SUDS3: variants seen among roughly 807,000 people sequenced by gnomAD.
SUDS3 encodes SIN3A corepressor complex component SDS3.
Under a neutral mutation model 53.5 loss-of-function variants are expected in SUDS3, and 23 were observed. The observed-to-expected ratio is 0.43, with a 90% CI of 0.31 to 0.61. The LOEUF (loss-of-function observed/expected upper bound fraction) is 0.61, where lower values mean the gene tolerates loss of function less well. Among genes scored for constraint, SUDS3 ranks in the 20% least tolerant of loss-of-function variants. SUDS3 has a pLI of 0.10. For missense variants in SUDS3, 291 were observed against 405.9 expected (o/e 0.72, Z 2.43); for synonymous variants, 150 against 148.5 (o/e 1.01, Z -0.08).
chr12:118,401,111 G>T (rs1332832855), intron 7 of SUDS3, among the ~76,000 whole-genome samples: 1 of 152,136 alleles, frequency 6.6e-6, no homozygotes, highest in African/African-American at 2.4e-5. Context: ...TAAAATGAAG[G>T]CAGTAATATC....
At chr12:118,412,464 C>CT (rs2046367453) in intron 11 of SUDS3, among the ~76,000 whole-genome samples, 1 of 152,178 alleles carries the variant, frequency 6.6e-6, no homozygotes, top group African/African-American at 2.4e-5. Context: ...TGATTGTTTA[C>CT]TTAGAAGTTA....
intron 3 of SUDS3, among the ~76,000 whole-genome samples, chr12:118,385,297 C>T (rs935134106): frequency 2.6e-5 from 4 of 152,062 alleles, no homozygotes; most frequent in East Asian, 1.9e-4. Flanking sequence ...TTAATAGAAA[C>T]GGGGTTTCAC....
Position 118,380,229 on chromosome 12 carries a change from A to C in SUDS3, c.210A>C (p.Glu70Asp). ...AAGAAGACTATGTAGAAATGAAGGAACAGTGAGTATGATATGCCTATGTCT... is the reference window on the plus strand; with the variant it reads ...AAGAAGACTATGTAGAAATGAAGGACCAGTGAGTATGATATGCCTATGTCT... Reference protein sequence around the residue: ...HDEEDYVEMKEQMYQDKLASL... With the variant: ...HDEEDYVEMKDQMYQDKLASL... Residue 70 changes from glutamate to aspartate, a missense_variant and splice_region_variant, in exon 2 of 12, where the codon GAA (glutamate) becomes GAC (aspartate). Physicochemically the swap from Glu to Asp is conservative, Grantham distance 45. This residue lies in a region of SUDS3 where 149 missense variants were observed against 146.5 expected (regional missense o/e 1.02). Transcript: ENST00000543473. The C allele has an allele frequency of 1.2e-6, 2 of 1,604,732 alleles. No homozygotes were observed. The highest frequency in any genetic ancestry group is 1.7e-6 in the Non-Finnish European group (2 of 1,175,290).
chr12:118,404,686 G>T (rs1450528607), intron 10 of SUDS3, among the ~76,000 whole-genome samples: 1 of 152,146 alleles, frequency 6.6e-6, no homozygotes, highest in Admixed American at 6.5e-5. Flanking sequence ...CATACGGTTT[G>T]CTTTGCCTTT....
At chr12:118,377,970 C>T (rs1027233882) in intron 1 of SUDS3, among the ~76,000 whole-genome samples, 1 of 152,180 alleles carries the variant, frequency 6.6e-6, no homozygotes, top group Non-Finnish European at 1.5e-5. Flanking sequence ...AAGACAGCTG[C>T]ATATGCATGA....
intron 3 of SUDS3, among the ~76,000 whole-genome samples, chr12:118,385,836 C>A (rs1211490560): frequency 1.3e-5 from 2 of 152,148 alleles, no homozygotes; most frequent in East Asian, 3.9e-4. Context: ...CAGACTGTTG[C>A]AGCAACTGAT....
chr12:118,408,273 A>G (rs949555067), intron 10 of SUDS3, among the ~76,000 whole-genome samples: 2 of 151,522 alleles, frequency 1.3e-5, no homozygotes, highest in African/African-American at 2.4e-5. Flanking sequence ...AGCTCAGGCA[A>G]TCCACCCACC....
At chr12:118,412,946 C>A (rs780354830) in intron 11 of SUDS3, among the ~76,000 whole-genome samples, 1 of 152,110 alleles carries the variant, frequency 6.6e-6, no homozygotes, top group African/African-American at 2.4e-5. Flanking sequence ...TTTTTCAGAT[C>A]AAATTCTAGG....
Position 118,380,365 on chromosome 12 carries a change from G to A in SUDS3, c.212+134G>A, listed in dbSNP as rs1477238464. The A allele has an allele frequency of 6.8e-6, 5 of 738,474 alleles. No homozygotes were observed. The East Asian group carries it at 1.4e-4, about 20-fold the overall frequency. The allele number at this position is 738,474 out of a possible 1,614,324, so 45.7% of individuals were successfully genotyped here. On this transcript the variant is annotated intron_variant, in intron 2 of 11. Coordinates refer to ENST00000543473, the MANE Select transcript of SUDS3 (RefSeq NM_022491.3). ...CTGAGTGCCAGCATGATGCTCAAAG[G>A]AAATGCTCATTGCACTATTTCAGAT...
In SUDS3 at chr12:118,386,193, T is replaced by C; in HGVS notation, c.340+8T>C. On this transcript the variant is annotated splice_region_variant and intron_variant, in intron 4 of 11. Transcript: ENST00000543473. ...AGAGGATACGGAATGCAGGTAAGGC[T>C]CCTTTAAATGGCAATGAATCATCTT... The C allele has an allele frequency of 6.3e-7, 1 of 1,589,670 alleles. No homozygotes were observed.
chr12:118,386,079 C>G, intron 3 of SUDS3, 35 bp from the exon 4 acceptor site: 1 of 1,488,760 alleles, frequency 6.7e-7, no homozygotes, highest in Non-Finnish European at 9.2e-7. Flanking sequence ...GATTTATATT[C>G]ACAATAATTT....
At position 118,389,788 on chromosome 12, in the gene SUDS3, T is replaced by G. The variant is rs2046148983; in HGVS notation, c.341-139T>G. 16 of 1,020,578 alleles carry G rather than the reference T, an allele frequency of 1.6e-5. No homozygotes were observed. In the South Asian group the frequency reaches 2.3e-4, roughly 15 times the overall value. The allele number at this position is 1,020,578 out of a possible 1,614,324, so 63.2% of individuals were successfully genotyped here. A position where few individuals can be genotyped will look rare whatever the true frequency, so the allele number is the denominator to read the frequency against. The stretch of plus-strand genomic sequence containing the variant: ...GTCATGTCCTTTCCCTTCGTGTATA[T>G]CAACATTTCACTGATGAAAACATTT... On this transcript the variant is annotated intron_variant, in intron 4 of 11. Coordinates refer to ENST00000543473, the MANE Select transcript of SUDS3 (RefSeq NM_022491.3).
At position 118,416,893 on chromosome 12, in the gene SUDS3, T is replaced by A. The variant is rs2046405677; in HGVS notation, c.*2460T>A. On this transcript the variant is annotated 3_prime_UTR_variant, in exon 12 of 12. Coordinates refer to ENST00000543473, the MANE Select transcript of SUDS3 (RefSeq NM_022491.3). ...AGGGCACCAGATGAATTTCCAAGTT[T>A]AAACTCTTTCCTGCAGGTGATTACT... is the stretch of plus-strand genomic sequence containing the variant. The A allele has an allele frequency of 6.6e-6, 1 of 152,254 alleles. No individual in the cohort carries two copies. Among genetic ancestry groups the A allele is most frequent in the Non-Finnish European group, 1.5e-5 (1 of 68,044 alleles). 9.4% of individuals were successfully genotyped at this position (152,254 alleles called of 1,614,324 possible). A position where few individuals can be genotyped will look rare whatever the true frequency, so the allele number is the denominator to read the frequency against.
At chr12:118,401,292 G>A (rs1355334723) in intron 7 of SUDS3, among the ~76,000 whole-genome samples, 1 of 152,174 alleles carries the variant, frequency 6.6e-6, no homozygotes, top group African/African-American at 2.4e-5. Flanking sequence ...TCGAGGAGAT[G>A]GTGAATAGCT....
At position 118,411,077 on chromosome 12, in the gene SUDS3, C is replaced by T. The variant is rs1283657392; in HGVS notation, c.808C>T (p.His270Tyr). ...GKLYYDKRWYHKSQAIYLESK... is the reference protein window; with the variant it reads ...GKLYYDKRWYYKSQAIYLESK... ...TGTGTGCCTTGTTTTTGTCAGGTAC[C>T]ACAAGAGCCAGGCCATCTATCTGGA... The change falls in exon 11 of 12, where the codon CAC becomes TAC. Residue 270 changes from histidine to tyrosine, a missense_variant. By Grantham distance (83) the His-to-Tyr change is moderately conservative. This residue lies in a region of SUDS3 where 77 missense variants were observed against 87.1 expected (regional missense o/e 0.88). Transcript: ENST00000543473. 1 of 1,604,232 alleles carries T rather than the reference C, an allele frequency of 6.2e-7. No homozygotes were observed. The highest frequency in any genetic ancestry group is 8.5e-7 in the Non-Finnish European group (1 of 1,175,414).
chr12:118,392,783 G>A (rs1466163675), intron 6 of SUDS3, among the ~76,000 whole-genome samples: 1 of 152,252 alleles, frequency 6.6e-6, no homozygotes, highest in South Asian at 2.1e-4. Flanking sequence ...AATATTATCC[G>A]TTTACAGCTG....
chr12:118,379,750 A>C (rs542029255), intron 1 of SUDS3, among the ~76,000 whole-genome samples: 1 of 152,336 alleles, frequency 6.6e-6, no homozygotes, highest in South Asian at 2.1e-4. Flanking sequence ...CTGCAGAAGT[A>C]GCAGCCTTCA....
intron 10 of SUDS3, among the ~76,000 whole-genome samples, chr12:118,410,118 G>A (rs1372472560): frequency 6.6e-6 from 1 of 152,192 alleles, no homozygotes; most frequent in East Asian, 1.9e-4. Context: ...TATCCCCAGT[G>A]TATTTGAATC....
At chr12:118,411,795 C>T (rs1050377457) in intron 11 of SUDS3, among the ~76,000 whole-genome samples, 4 of 152,192 alleles carry the variant, frequency 2.6e-5, no homozygotes, top group African/African-American at 9.6e-5. Context: ...GCCACCACAC[C>T]TGGCCAACTC....
Sources: allele counts gnomAD v4.1 joint callset (sites outside exome capture counted in the v4.1 genomes callset), GRCh38; gene constraint gnomAD v4.1.1; regional missense constraint gnomAD v4.1.1; transcripts MANE v1.5; gene names NCBI Gene and HGNC (gene_info 2026-07-23, HGNC 2026-07-21).